TESK2: variants seen among roughly 807,000 people sequenced by gnomAD.
The protein encoded by TESK2 is dual specificity testis-specific protein kinase 2.
In TESK2, 39 loss-of-function variants were observed where a neutral mutation model predicts 57.1. The observed-to-expected ratio is 0.68, with a 90% CI of 0.53 to 0.89. The LOEUF (loss-of-function observed/expected upper bound fraction) is 0.89. Ranked by LOEUF, TESK2 falls within the 40% of genes least tolerant of loss-of-function variation. The probability of loss-of-function intolerance (pLI) is 0.00; values close to 1 mark genes in which losing one functional copy is unlikely to be tolerated. For missense variants in TESK2, 646 were observed against 732.1 expected (o/e 0.88, Z 1.36); for synonymous variants, 249 against 267.9 (o/e 0.93, Z 0.69).
At chr1:45,478,664 T>A (rs944346005) in intron 1 of TESK2, among the ~76,000 whole-genome samples, 1 of 151,994 alleles carries the variant, frequency 6.6e-6, no homozygotes, top group African/African-American at 2.4e-5. Context: ...AATATAGACA[T>A]ACACAGACAA....
At chr1:45,385,243 CTG>C in intron 4 of TESK2, 1 of 670,150 alleles carries the variant, frequency 1.5e-6, no homozygotes, top group African/African-American at 2.0e-5. Context: ...TTCCAGGAAT[CTG>C]TGTTTCCAAG....
At chr1:45,353,651 G>T (rs1042642236) in intron 5 of TESK2, among the ~76,000 whole-genome samples, 1 of 152,180 alleles carries the variant, frequency 6.6e-6, no homozygotes, top group African/African-American at 2.4e-5. Flanking sequence ...TTCTTAGGCA[G>T]GTACAAAACT....
Position 45,413,107 on chromosome 1 carries a change from C to G in TESK2, c.344+8618G>C, listed in dbSNP as rs369558416. Reference sequence around the variant, plus strand: ...TGGGTTACAGATCTTGAGCATAAGACTTCCTGGCGTAAACAACCTTATTCA... The same window carrying G: ...TGGGTTACAGATCTTGAGCATAAGAGTTCCTGGCGTAAACAACCTTATTCA... On this transcript the variant is annotated intron_variant, in intron 3 of 10. Transcript: ENST00000372086. Among the ~76,000 whole-genome samples the G allele has an allele frequency of 4.5e-4, 68 of 152,318 alleles. No individual in the cohort carries two copies. The South Asian group carries it at 0.013, about 30-fold the overall frequency.
At chr1:45,383,788 T>C (rs1648754590) in intron 4 of TESK2, among the ~76,000 whole-genome samples, 1 of 152,196 alleles carries the variant, frequency 6.6e-6, no homozygotes, top group Non-Finnish European at 1.5e-5. Context: ...GAATTTTATC[T>C]CTGAAGAATT....
chr1:45,386,108 G>T, intron 3 of TESK2, 148 bp from the exon 4 acceptor site: 1 of 535,450 alleles, frequency 1.9e-6, no homozygotes. Flanking sequence ...ACTTTAGGAG[G>T]CAGAGGTGTG....
Position 45,388,717 on chromosome 1 carries a change from C to CTTTT in TESK2, c.345-2761_345-2758dup, listed in dbSNP as rs34109075. ...AACGTGGCAGTATTGAGAGGTACGGCTTTTTTTTTTTTTTTTTTTTTGAGA... is the reference window on the plus strand; with the variant it reads ...AACGTGGCAGTATTGAGAGGTACGGCTTTTTTTTTTTTTTTTTTTTTTTTTGAGA... On this transcript the variant is annotated intron_variant, in intron 3 of 10. Coordinates refer to ENST00000372086, the MANE Select transcript of TESK2 (RefSeq NM_007170.3). 1.5e-3 allele frequency among the ~76,000 whole-genome samples: 152 copies of CTTTT among 102,730 alleles called. 3 individuals are homozygous for CTTTT. Among genetic ancestry groups the CTTTT allele is most frequent in the African/African-American group, 2.9e-3 (81 of 28,022 alleles). 67.4% of individuals were successfully genotyped at this position (102,730 alleles called of 152,430 possible).
intron 3 of TESK2, among the ~76,000 whole-genome samples, chr1:45,406,653 C>CTAAAAA (rs1018780714): frequency 6.6e-6 from 1 of 152,022 alleles, no homozygotes; most frequent in East Asian, 1.9e-4. Context: ...AAGGCTCTGT[C>CTAAAAA]TAAAAATAAA....
intron 4 of TESK2, 147 bp from the exon 5 acceptor site, chr1:45,355,596 T>C (rs191823374): frequency 6.2e-6 from 5 of 803,264 alleles, no homozygotes; most frequent in East Asian, 2.7e-5. Context: ...AGCACTATGG[T>C]AGGTGCTGCA....
At chr1:45,455,905 A>T (rs1570748883) in intron 2 of TESK2, among the ~76,000 whole-genome samples, 1 of 152,070 alleles carries the variant, frequency 6.6e-6, no homozygotes, top group African/African-American at 2.4e-5. Context: ...TAAAAGAAAC[A>T]ATAGGGGCTG....
At chr1:45,415,675 G>A (rs565905125) in intron 3 of TESK2, among the ~76,000 whole-genome samples, 2 of 152,210 alleles carry the variant, frequency 1.3e-5, no homozygotes, top group Non-Finnish European at 2.9e-5. Flanking sequence ...TATTCTAAGT[G>A]ATTTACGTGT....
At chr1:45,377,227 GA>G (rs990693440) in intron 4 of TESK2, among the ~76,000 whole-genome samples, 76 of 138,140 alleles carry the variant, frequency 5.5e-4, no homozygotes, top group Non-Finnish European at 8.7e-4. Flanking sequence ...TGTCTCTTAA[GA>G]AAAAAAAAAA....
intron 1 of TESK2, among the ~76,000 whole-genome samples, chr1:45,465,410 AAGAAAG>A (rs1322305946): frequency 4.4e-5 from 5 of 113,088 alleles, no homozygotes; most frequent in Non-Finnish European, 7.4e-5. Context: ...GACTCCAAAA[AAGAAAG>A]AGAGAGAGAG....
intron 2 of TESK2, among the ~76,000 whole-genome samples, chr1:45,451,828 G>A (rs1295277724): frequency 6.6e-6 from 1 of 152,026 alleles, no homozygotes; most frequent in African/African-American, 2.4e-5. Flanking sequence ...GAGGTCAGGA[G>A]TTCAAGACCA....
intron 3 of TESK2, among the ~76,000 whole-genome samples, chr1:45,395,170 A>G (rs1308502102): frequency 6.6e-6 from 1 of 152,028 alleles, no homozygotes. Flanking sequence ...ATTTCCACAT[A>G]CCTTACTTAA....
intron 4 of TESK2, among the ~76,000 whole-genome samples, chr1:45,359,099 A>G (rs1318307172): frequency 2.6e-5 from 4 of 152,250 alleles, no homozygotes; most frequent in Non-Finnish European, 5.9e-5. Flanking sequence ...TTAATGGGAT[A>G]AGAGGAGAAA....
intron 2 of TESK2, among the ~76,000 whole-genome samples, chr1:45,424,345 A>T (rs1650600844): frequency 6.6e-6 from 1 of 152,164 alleles, no homozygotes; most frequent in Admixed American, 6.5e-5. Context: ...GCCAAAACAC[A>T]AAGAGCCACA....
intron 1 of TESK2, among the ~76,000 whole-genome samples, chr1:45,460,166 C>G (rs1652274222): frequency 6.6e-6 from 1 of 151,698 alleles, no homozygotes; most frequent in Non-Finnish European, 1.5e-5. Context: ...ACAATATACC[C>G]TTGTAACAAA....
intron 2 of TESK2, among the ~76,000 whole-genome samples, chr1:45,424,116 T>C (rs1017719777): frequency 6.6e-6 from 1 of 152,192 alleles, no homozygotes; most frequent in Middle Eastern, 3.2e-3. Flanking sequence ...TTCAGGAGTA[T>C]CATTTCAGTA....
chr1:45,403,328 A>T (rs1649708835), intron 3 of TESK2, among the ~76,000 whole-genome samples: 1 of 152,072 alleles, frequency 6.6e-6, no homozygotes, highest in African/African-American at 2.4e-5. Flanking sequence ...AGAACTATGA[A>T]TCTAAACCCG....
Sources: allele counts gnomAD v4.1 joint callset (sites outside exome capture counted in the v4.1 genomes callset), GRCh38; gene constraint gnomAD v4.1.1; transcripts MANE v1.5; gene names NCBI Gene and HGNC (gene_info 2026-07-23, HGNC 2026-07-21).